PPP1R3A: variants seen among roughly 807,000 people sequenced by gnomAD.
PPP1R3A encodes protein phosphatase 1 regulatory subunit 3A.
In PPP1R3A, 29 loss-of-function variants were observed where a neutral mutation model predicts 41.7. The observed-to-expected ratio is 0.70, with a 90% CI of 0.52 to 0.95. The LOEUF is 0.95. PPP1R3A is among the 40% of genes least tolerant of loss of function. The pLI, the probability that PPP1R3A is intolerant of heterozygous loss-of-function variation, is 0.00. For synonymous variants in PPP1R3A, 485 were observed against 453.4 expected (o/e 1.07, Z -0.89); for missense variants, 1,352 against 1,292.4 (o/e 1.05, Z -0.71).
chr7:113,897,450 C>A (rs1037408185), intron 1 of PPP1R3A, among the ~76,000 whole-genome samples: 1 of 151,050 alleles, frequency 6.6e-6, no homozygotes, highest in Non-Finnish European at 1.5e-5. Flanking sequence ...ATGTTAATTT[C>A]AATATTAAAT....
intron 3 of PPP1R3A, 103 bp from the exon 4 acceptor site, chr7:113,880,228 ATTTC>A: frequency 3.7e-6 from 4 of 1,069,744 alleles, no homozygotes; most frequent in Non-Finnish European, 5.3e-6. Context: ...TATCTGGTAG[ATTTC>A]TTTGACTGAT....
chr7:113,899,137 G>T (rs994888606), intron 1 of PPP1R3A, among the ~76,000 whole-genome samples: 20 of 151,540 alleles, frequency 1.3e-4, no homozygotes, highest in African/African-American at 4.4e-4. Flanking sequence ...GATCCTATTT[G>T]CCCCTTCTCT....
chr7:113,894,183 G>C (rs996068255), intron 1 of PPP1R3A, among the ~76,000 whole-genome samples: 5 of 151,926 alleles, frequency 3.3e-5, no homozygotes, highest in Non-Finnish European at 4.4e-5. Context: ...GGAGGTCCAA[G>C]TGCGAACCAA....
At position 113,879,693 on chromosome 7, in the gene PPP1R3A, T is replaced by C. The variant is rs773962617; in HGVS notation, c.1399A>G (p.Asn467Asp). The C allele has an allele frequency of 6.2e-7, 1 of 1,613,206 alleles. No homozygotes were observed. ...TTAGCTCCTCCTTCATGTTTTTTAT[T>C]AAGGTTTCCTGCCATTAGTTGATCT... ...SSDQLMAGNL[N>D]KKHEGGAKNI... The change falls in exon 4 of 4, where the codon AAT (asparagine) becomes GAT (aspartate). Residue 467 changes from asparagine (N) to aspartate (D), a missense_variant. By Grantham distance (23) the Asn-to-Asp change is conservative. Coordinates refer to ENST00000284601, the MANE Select transcript of PPP1R3A (RefSeq NM_002711.4).
At chr7:113,904,256 TA>T (rs527660124) in intron 1 of PPP1R3A, among the ~76,000 whole-genome samples, 62 of 151,748 alleles carry the variant, frequency 4.1e-4, no homozygotes, top group Admixed American at 3.6e-3. Flanking sequence ...TTAAAGACCT[TA>T]AATCCCAAAC....
At chr7:113,906,061 AAAG>A (rs1225017632) in intron 1 of PPP1R3A, among the ~76,000 whole-genome samples, 2 of 151,820 alleles carry the variant, frequency 1.3e-5, no homozygotes, top group African/African-American at 4.8e-5. Flanking sequence ...AAGTCATAGA[AAAG>A]AAGAAGGTGT....
Position 113,879,904 on chromosome 7 carries a change from T to C in PPP1R3A, c.1188A>G (p.Ser396=), listed in dbSNP as rs1477440944. The C allele has an allele frequency of 1.2e-6, 2 of 1,613,466 alleles. No homozygotes were observed. Among genetic ancestry groups the C allele is most frequent in the African/African-American group, 2.7e-5 (2 of 74,870 alleles). The change falls in exon 4 of 4, where the codon TCA becomes TCG. Residue 396 remains serine, a synonymous_variant. Coordinates refer to ENST00000284601, the MANE Select transcript of PPP1R3A (RefSeq NM_002711.4). ...AAGGTTGATGTGTACAGTCATCTCC[T>C]GAGGAATATTTTTCATTGCAGTAAA... The part of the protein sequence containing the change: ...GDFYCNEKYS[S]GDDCTHQPSE...
intron 1 of PPP1R3A, among the ~76,000 whole-genome samples, chr7:113,913,578 A>C (rs2129121153): frequency 6.6e-6 from 1 of 152,236 alleles, no homozygotes; most frequent in East Asian, 1.9e-4. Context: ...AAACACCTAT[A>C]TCATGCAGTT....
chr7:113,879,495 T>A lies in PPP1R3A; in HGVS notation c.1597A>T (p.Asn533Tyr). 1.2e-6 allele frequency: 2 copies of A among 1,613,196 alleles called. No homozygotes were observed. The highest frequency in any genetic ancestry group is 3.3e-4 in the Middle Eastern group (2 of 6,056). Reference protein sequence around the residue: ...YLGVNEKQRKNFQTILHDQER... With the variant: ...YLGVNEKQRKYFQTILHDQER... ...TGGTCATGTAAGATTGTTTGGAAAT[T>A]TTTTCTTTGTTTTTCATTAACACCT... Residue 533 changes from asparagine to tyrosine, a missense_variant, in exon 4 of 4, where the codon AAT becomes TAT. Transcript: ENST00000284601.
Position 113,879,267 on chromosome 7 carries a change from C to G in PPP1R3A, c.1825G>C (p.Ala609Pro). ...EHHHLTSEGS[A>P]LGGITGQVCS... is the part of the protein sequence containing the mutation. The stretch of plus-strand genomic sequence containing the variant: ...ACTTGACCAGTTATCCCTCCTAAAG[C>G]GCTGCCTTCACTAGTCAAATGATGA... Residue 609 changes from alanine to proline, a missense_variant, in exon 4 of 4, where the codon GCT becomes CCT. Coordinates refer to ENST00000284601, the MANE Select transcript of PPP1R3A (RefSeq NM_002711.4). 2 of 1,613,650 alleles carry G rather than the reference C, an allele frequency of 1.2e-6. No individual in the cohort carries two copies. Among genetic ancestry groups the G allele is most frequent in the Non-Finnish European group, 8.5e-7 (1 of 1,179,730 alleles).
chr7:113,917,930 G>A (rs1562928106), intron 1 of PPP1R3A, among the ~76,000 whole-genome samples: 1 of 152,064 alleles, frequency 6.6e-6, no homozygotes, highest in East Asian at 1.9e-4. Context: ...TAGATTTCAT[G>A]GTTTGAGCAG....
At chr7:113,916,999 C>T (rs1184297069) in intron 1 of PPP1R3A, among the ~76,000 whole-genome samples, 1 of 151,916 alleles carries the variant, frequency 6.6e-6, no homozygotes, top group Non-Finnish European at 1.5e-5. Context: ...GTTTGAATTG[C>T]TTCCATCTAT....
intron 1 of PPP1R3A, among the ~76,000 whole-genome samples, chr7:113,903,739 A>G (rs1399193012): frequency 6.6e-6 from 1 of 151,716 alleles, no homozygotes; most frequent in Non-Finnish European, 1.5e-5. Context: ...TTGAGCATAG[A>G]GACTAAAGCA....
intron 1 of PPP1R3A, among the ~76,000 whole-genome samples, chr7:113,911,116 G>T (rs1221804385): frequency 2.0e-5 from 3 of 152,020 alleles, no homozygotes; most frequent in Non-Finnish European, 4.4e-5. Context: ...CCTACGACAG[G>T]TTTGTTTAAT....
chr7:113,918,495 T>A lies in PPP1R3A; in HGVS notation c.502A>T (p.Thr168Ser). 1 of 1,613,240 alleles carries A rather than the reference T, an allele frequency of 6.2e-7. No homozygotes were observed. The highest frequency in any genetic ancestry group is 8.5e-7 in the Non-Finnish European group (1 of 1,179,684). The change falls in exon 1 of 4, where the codon ACA becomes TCA. Residue 168 changes from threonine (T) to serine (S), a missense_variant. Coordinates refer to ENST00000284601, the MANE Select transcript of PPP1R3A (RefSeq NM_002711.4). ...TATTCTGCTAAAATGTCATAATGTGTCTGCCAGTCATCTAAAGACATTCTT... is the reference window on the plus strand; with the variant it reads ...TATTCTGCTAAAATGTCATAATGTGACTGCCAGTCATCTAAAGACATTCTT... ...YVRMSLDDWQ[T>S]HYDILAEYVP... is the part of the protein sequence containing the mutation.
In PPP1R3A at chr7:113,879,763, A is replaced by G; in HGVS notation, c.1329T>C (p.Asn443=). Reference sequence around the variant, plus strand: ...GCACTGTGCCATTGCCATGGGCTGGATTAGCATTATCATCCAGGACTTCTT... The same window carrying G: ...GCACTGTGCCATTGCCATGGGCTGGGTTAGCATTATCATCCAGGACTTCTT... ...GSKEVLDDNA[N]PAHGNGTVQI... Residue 443 remains asparagine (N), a synonymous_variant, in exon 4 of 4, where the codon AAT becomes AAC. Coordinates refer to ENST00000284601, the MANE Select transcript of PPP1R3A (RefSeq NM_002711.4). The G allele has an allele frequency of 6.2e-7, 1 of 1,613,452 alleles. No homozygotes were observed. The highest frequency in any genetic ancestry group is 8.5e-7 in the Non-Finnish European group (1 of 1,179,706).
At chr7:113,907,833 C>G (rs931089308) in intron 1 of PPP1R3A, among the ~76,000 whole-genome samples, 1 of 151,632 alleles carries the variant, frequency 6.6e-6, no homozygotes, top group African/African-American at 2.4e-5. Flanking sequence ...ATATAGAGGG[C>G]GTTGTGGCAA....
chr7:113,887,464 A>G (rs1439073378), intron 1 of PPP1R3A, among the ~76,000 whole-genome samples: 1 of 152,072 alleles, frequency 6.6e-6, no homozygotes, highest in African/African-American at 2.4e-5. Flanking sequence ...ATGAAGCTAT[A>G]ATGTGAAGAT....
chr7:113,900,924 A>G (rs1442413511), intron 1 of PPP1R3A, among the ~76,000 whole-genome samples: 1 of 151,606 alleles, frequency 6.6e-6, no homozygotes, highest in Non-Finnish European at 1.5e-5. Flanking sequence ...AAAAAATGAT[A>G]GCTACAATGA....
Sources: allele counts gnomAD v4.1 joint callset (sites outside exome capture counted in the v4.1 genomes callset), GRCh38; gene constraint gnomAD v4.1.1; transcripts MANE v1.5; gene names NCBI Gene and HGNC (gene_info 2026-07-23, HGNC 2026-07-21).